Variants in BRCC3 observed in about 807,000 individuals in gnomAD.
BRCC3 encodes lys-63-specific deubiquitinase BRCC36.
A neutral mutation model predicts 28.0 loss-of-function variants in BRCC3; 15 were observed. The ratio of observed to expected loss-of-function variants is 0.54; its 90% CI spans 0.36 to 0.82. The LOEUF (loss-of-function observed/expected upper bound fraction) is 0.82. Among genes scored for constraint, BRCC3 ranks in the 40% least tolerant of loss-of-function variants. BRCC3 has a pLI of 0.01. For synonymous variants in BRCC3, 66 were observed against 80.3 expected, an observed-to-expected ratio of 0.82 and a Z score of 0.95; for missense variants, 109 against 225.9, an observed-to-expected ratio of 0.48 and a Z score of 3.32.
chrX:155,100,696 G>A (rs782178191), intron 7 of BRCC3, among the ~76,000 whole-genome samples: 6 of 111,747 alleles, frequency 5.4e-5, no homozygotes, highest in Non-Finnish European at 9.4e-5. Context: ...TGTGCTTCAG[G>A]TAGTGCCTGA....
chrX:155,086,849 A>G (rs1412058997), intron 5 of BRCC3, among the ~76,000 whole-genome samples: 1 of 111,982 alleles, frequency 8.9e-6, no homozygotes, highest in Non-Finnish European at 1.9e-5. Flanking sequence ...TTATATCCCA[A>G]AGATGGCCAG....
At chrX:155,088,645 G>A (rs1343050204) in intron 5 of BRCC3, among the ~76,000 whole-genome samples, 2 of 111,543 alleles carry the variant, frequency 1.8e-5, no homozygotes, top group Non-Finnish European at 3.8e-5. Context: ...GAGCCACCAC[G>A]CCTGGCCGTT....
chrX:155,118,232 C>G lies in BRCC3; in HGVS notation c.724+1478C>G, dbSNP rs782452721. On this transcript the variant is annotated intron_variant, in intron 9 of 10. Coordinates refer to ENST00000330045, the MANE Select transcript of BRCC3 (RefSeq NM_001018055.3). ...TATATCCATATAATGGAGTACAACT[C>G]AACAATAAAAAGAACAAACTACTGA... Among the ~76,000 whole-genome samples, 6 of 111,935 alleles carry G rather than the reference C, an allele frequency of 5.4e-5. No individual in the cohort carries two copies. In the South Asian group the frequency reaches 2.2e-3, roughly 41 times the overall value.
At chrX:155,114,597 C>A (rs1299004955) in intron 7 of BRCC3, among the ~76,000 whole-genome samples, 1 of 106,249 alleles carries the variant, frequency 9.4e-6, no homozygotes, top group Admixed American at 1.0e-4. Context: ...AAAAAAAAAA[C>A]CCAAATGGAC....
intron 7 of BRCC3, among the ~76,000 whole-genome samples, chrX:155,099,859 A>C (rs868907459): frequency 4.3e-4 from 48 of 111,342 alleles, no homozygotes; most frequent in Middle Eastern, 4.6e-3. Context: ...TTGCTGACAT[A>C]TGTGGCAGTA....
intron 5 of BRCC3, among the ~76,000 whole-genome samples, chrX:155,082,898 C>T (rs2074094281): frequency 8.9e-6 from 1 of 112,110 alleles, no homozygotes; most frequent in Non-Finnish European, 1.9e-5. Flanking sequence ...TCTGGACCAG[C>T]TCCTTAGACT....
intron 7 of BRCC3, among the ~76,000 whole-genome samples, chrX:155,112,433 A>G (rs926506719): frequency 8.9e-6 from 1 of 112,560 alleles, no homozygotes; most frequent in Non-Finnish European, 1.9e-5. Flanking sequence ...TCTGCAACTT[A>G]AAGCTTATGA....
At position 155,121,292 on chromosome X, in the gene BRCC3, C is replaced by T. The variant is rs1330770339; in HGVS notation, c.*88C>T. 5.4e-5 allele frequency: 6 copies of T among 111,846 alleles called. No homozygotes were observed. The highest frequency in any genetic ancestry group is 1.6e-4 in the African/African-American group (5 of 30,829). The allele number at this position is 111,846 out of a possible 1,213,427, so 9.2% of individuals were successfully genotyped here. Reference sequence around the variant, plus strand: ...TTTCAAAGAAGAAAAACTTGGAGGACTCATTTTACCTGACTTCAAGACTTA... The same window carrying T: ...TTTCAAAGAAGAAAAACTTGGAGGATTCATTTTACCTGACTTCAAGACTTA... On this transcript the variant is annotated 3_prime_UTR_variant, in exon 11 of 11. Coordinates refer to ENST00000330045, the MANE Select transcript of BRCC3 (RefSeq NM_001018055.3).
Position 155,108,961 on chromosome X carries a change from T to C in BRCC3, c.549-7096T>C, listed in dbSNP as rs782674970. Among the ~76,000 whole-genome samples the C allele has an allele frequency of 7.1e-5, 8 of 111,976 alleles. No homozygotes were observed. The East Asian group carries it at 2.2e-3, about 31-fold the overall frequency. ...TCTTTCCCTATCTGGAAGAGATGCT[T>C]TATTATTTCACCATTCGTGCTTAAA... On this transcript the variant is annotated intron_variant, in intron 7 of 10. Coordinates refer to ENST00000330045, the MANE Select transcript of BRCC3 (RefSeq NM_001018055.3).
chrX:155,105,074 G>T (rs1390185954), intron 7 of BRCC3, among the ~76,000 whole-genome samples: 1 of 111,514 alleles, frequency 9.0e-6, no homozygotes, highest in African/African-American at 3.3e-5. Context: ...CATCAACATG[G>T]TTCAAAAAGT....
At chrX:155,118,688 G>A (rs1557299097) in intron 9 of BRCC3, among the ~76,000 whole-genome samples, 1 of 111,774 alleles carries the variant, frequency 8.9e-6, no homozygotes, top group African/African-American at 3.3e-5. Context: ...GACATCATGT[G>A]GCAACAGAGG....
chrX:155,104,114 T>A (rs980094098), intron 7 of BRCC3, among the ~76,000 whole-genome samples: 6 of 111,575 alleles, frequency 5.4e-5, no homozygotes, highest in Non-Finnish European at 9.4e-5. Flanking sequence ...AGTTATAATA[T>A]TCATTTTAAT....
intron 7 of BRCC3, among the ~76,000 whole-genome samples, chrX:155,111,582 A>G (rs1557298157): frequency 1.8e-5 from 2 of 111,977 alleles, no homozygotes; most frequent in African/African-American, 6.5e-5. Context: ...ATGCTGGACC[A>G]CTATCTTCAC....
intron 5 of BRCC3, 27 bp downstream of exon 5, chrX:155,078,730 A>T (rs2074063947): frequency 9.5e-7 from 1 of 1,054,298 alleles, no homozygotes; most frequent in Non-Finnish European, 1.3e-6. Context: ...TGCAATGTTT[A>T]TTGTTTTCAG....
intron 7 of BRCC3, among the ~76,000 whole-genome samples, chrX:155,098,862 C>T (rs1407114196): frequency 8.9e-6 from 1 of 112,401 alleles, no homozygotes; most frequent in Non-Finnish European, 1.9e-5. Context: ...TTATTGATAT[C>T]TGAGAGAGAT....
intron 7 of BRCC3, among the ~76,000 whole-genome samples, chrX:155,105,950 C>T (rs1386895158): frequency 1.8e-5 from 2 of 112,375 alleles, no homozygotes; most frequent in Non-Finnish European, 3.8e-5. Flanking sequence ...GCTGGGATTA[C>T]AGGTGTGAGC....
intron 7 of BRCC3, chrX:155,099,323 A>C: frequency 1.7e-6 from 2 of 1,208,956 alleles, no homozygotes; most frequent in South Asian, 3.5e-5. Flanking sequence ...AGGTCCCTTC[A>C]TGGTCCACGA....
chrX:155,076,003 A>G (rs1005205916), intron 3 of BRCC3, among the ~76,000 whole-genome samples: 21 of 112,357 alleles, frequency 1.9e-4, no homozygotes, highest in African/African-American at 6.8e-4. Context: ...TGCCTTTTCT[A>G]TGAAGATTTT....
rs1421306566 is a variant in BRCC3, at chrX:155,090,722, G to C, written c.493-62G>C. 3 of 910,994 alleles carry C rather than the reference G, an allele frequency of 3.3e-6. No individual in the cohort carries two copies. In the Admixed American group the frequency reaches 7.9e-5, roughly 24 times the overall value. 75.1% of individuals were successfully genotyped at this position (910,994 alleles called of 1,213,427 possible). The stretch of plus-strand genomic sequence containing the variant: ...TTCTGCTTCTAGAGGGACCTTTGGG[G>C]TCTTTTTCAATATTAATCTTTCTTT... On this transcript the variant is annotated intron_variant, in intron 6 of 10. Transcript: ENST00000330045.
Sources: allele counts gnomAD v4.1 joint callset (sites outside exome capture counted in the v4.1 genomes callset), GRCh38; gene constraint gnomAD v4.1.1; transcripts MANE v1.5; gene names NCBI Gene and HGNC (gene_info 2026-07-23, HGNC 2026-07-21).